VPS13D: variants seen among roughly 807,000 people sequenced by gnomAD.
VPS13D encodes the protein vacuolar protein sorting 13 homolog D, also known as intermembrane lipid transfer protein VPS13D.
In VPS13D, 187 loss-of-function variants were observed where a neutral mutation model predicts 461.9. The ratio of observed to expected loss-of-function variants is 0.40; its 90% CI spans 0.36 to 0.46. The LOEUF is 0.46. Ranked by LOEUF, VPS13D falls within the 20% of genes least tolerant of loss-of-function variation. The probability of loss-of-function intolerance (pLI) is 0.60; values close to 1 mark genes in which losing one functional copy is unlikely to be tolerated. For synonymous variants in VPS13D, 1,951 were observed against 1,986.3 expected (o/e 0.98, Z 0.47); for missense variants, 4,711 against 5,364.9 (o/e 0.88, Z 3.81).
At chr1:12,417,673 C>T (rs1644812298) in intron 65 of VPS13D, among the ~76,000 whole-genome samples, 1 of 152,136 alleles carries the variant, frequency 6.6e-6, no homozygotes, top group Admixed American at 6.5e-5. Flanking sequence ...ATCTTTGTGG[C>T]ACCGCGTAGA....
At chr1:12,461,586 G>A (rs1053784143) in intron 67 of VPS13D, among the ~76,000 whole-genome samples, 3 of 152,158 alleles carry the variant, frequency 2.0e-5, no homozygotes, top group Admixed American at 6.5e-5. Flanking sequence ...AGGAGGCTTC[G>A]AAAGTATTTC....
intron 60 of VPS13D, among the ~76,000 whole-genome samples, chr1:12,388,312 C>T (rs865998337): frequency 2.7e-4 from 41 of 152,172 alleles, no homozygotes; most frequent in Non-Finnish European, 5.3e-4. Context: ...AGGTGGCTCA[C>T]GCCTGTAATC....
intron 24 of VPS13D, among the ~76,000 whole-genome samples, chr1:12,295,233 A>AC (rs1642242208): frequency 6.6e-6 from 1 of 151,746 alleles, no homozygotes; most frequent in East Asian, 1.9e-4. Context: ...AAAAAAAAAA[A>AC]AAAAAAACAA....
chr1:12,506,755 G>A (rs1646113881), intron 68 of VPS13D, 98 bp from the exon 69 acceptor site: 5 of 1,473,462 alleles, frequency 3.4e-6, no homozygotes, highest in Non-Finnish European at 4.6e-6. Context: ...GCCGGGATTC[G>A]CACTCAGGCC....
At chr1:12,359,276 C>T (rs1047323372) in intron 50 of VPS13D, among the ~76,000 whole-genome samples, 7 of 152,128 alleles carry the variant, frequency 4.6e-5, no homozygotes, top group Non-Finnish European at 7.4e-5. Context: ...ATTGTAGCAG[C>T]GCATCCTTTC....
At chr1:12,242,424 T>A (rs1640408255) in intron 2 of VPS13D, 89 bp from the exon 3 acceptor site, 2 of 1,213,582 alleles carry the variant, frequency 1.6e-6, no homozygotes, top group Non-Finnish European at 2.4e-6. Context: ...TATGTAAAAC[T>A]TTCCCTTTAA....
intron 67 of VPS13D, among the ~76,000 whole-genome samples, chr1:12,496,032 G>A (rs930145126): frequency 4.6e-5 from 7 of 152,118 alleles, no homozygotes; most frequent in Non-Finnish European, 8.8e-5. Flanking sequence ...CGATATTTGG[G>A]CTCTGAGTAG....
intron 60 of VPS13D, among the ~76,000 whole-genome samples, chr1:12,399,956 C>T (rs1467511111): frequency 6.6e-6 from 1 of 151,988 alleles, no homozygotes; most frequent in Admixed American, 6.5e-5. Flanking sequence ...AAAACAAAAC[C>T]TATTCTCTTA....
rs1231689366 is a variant in VPS13D at position 12,505,871 on chromosome 1, ACAGG to A, written c.12795-976_12795-973del. Among the ~76,000 whole-genome samples the A allele has an allele frequency of 1.3e-5, 2 of 152,192 alleles. No homozygotes were observed. The highest frequency in any genetic ancestry group is 2.9e-5 in the Non-Finnish European group (2 of 68,036). On this transcript the variant is annotated intron_variant, in intron 68 of 69. Coordinates refer to ENST00000620676, the MANE Select transcript of VPS13D (RefSeq NM_015378.4). The surrounding 1 kb of genome is among the most constrained non-coding windows in gnomAD (Gnocchi z 4.2). ...AGGGCCCGGCAGCCTGCTCCCCTCG[ACAGG>A]CAGGCCACCTCCTGCCCCCAGGCTT...
intron 67 of VPS13D, among the ~76,000 whole-genome samples, chr1:12,488,160 T>A (rs1032937821): frequency 6.6e-6 from 1 of 152,244 alleles, no homozygotes; most frequent in Non-Finnish European, 1.5e-5. Context: ...TCCGTCCAGA[T>A]ACAATTTTAA....
Position 12,507,310 on chromosome 1 carries a change from T to G in VPS13D, c.13035+217T>G. Reference sequence around the variant, plus strand: ...TGGCCCATGGGTGACCCTGGGAACATTAACTGCCTCACAACGTTTGTGCCT... The same window carrying G: ...TGGCCCATGGGTGACCCTGGGAACAGTAACTGCCTCACAACGTTTGTGCCT... On this transcript the variant is annotated intron_variant, in intron 69 of 69. Coordinates refer to ENST00000620676, the MANE Select transcript of VPS13D (RefSeq NM_015378.4). The surrounding 1 kb of genome is among the most constrained non-coding windows in gnomAD (Gnocchi z 5.3). 1.2e-6 allele frequency: 1 copy of G among 815,232 alleles called. No individual in the cohort carries two copies. The highest frequency in any genetic ancestry group is 2.5e-5 in the East Asian group (1 of 40,304). 50.5% of individuals were successfully genotyped at this position (815,232 alleles called of 1,614,324 possible). A position where few individuals can be genotyped will look rare whatever the true frequency, so the allele number is the denominator to read the frequency against.
At position 12,381,972 on chromosome 1, in the gene VPS13D, TTCTTTCTTTC is replaced by T. The variant is rs1187687181; in HGVS notation, c.11191-1000_11191-991del. Among the ~76,000 whole-genome samples, 436 of 140,146 alleles carry T rather than the reference TTCTTTCTTTC, an allele frequency of 3.1e-3. 3 individuals carry two copies. Among genetic ancestry groups the T allele is most frequent in the East Asian group, 0.021 (97 of 4,704 alleles). The allele number at this position is 140,146 out of a possible 152,430, so 91.9% of individuals were successfully genotyped here. A position where few individuals can be genotyped will look rare whatever the true frequency, so the allele number is the denominator to read the frequency against. On this transcript the variant is annotated intron_variant, in intron 57 of 69. Coordinates refer to ENST00000620676, the MANE Select transcript of VPS13D (RefSeq NM_015378.4). ...TTTCTTTCTTTCTTTCTTTCTTTCT[TTCTTTCTTTC>T]TCTCTCTCTCTCTCCTTCCTTCCTT...
At chr1:12,417,973 C>G (rs1281666927) in intron 65 of VPS13D, among the ~76,000 whole-genome samples, 1 of 152,054 alleles carries the variant, frequency 6.6e-6, no homozygotes, top group Non-Finnish European at 1.5e-5. Context: ...ATGGTGTGAT[C>G]TCTGCTCACT....
chr1:12,319,513 C>T lies in VPS13D; in HGVS notation c.7431C>T (p.Val2477=). The T allele has an allele frequency of 6.2e-7, 1 of 1,614,122 alleles. No homozygotes were observed. The highest frequency in any genetic ancestry group is 8.5e-7 in the Non-Finnish European group (1 of 1,179,996). ...KVNVTGTEFV[V]IEDVSCFDTN... ...CCTTTCCAGGTACGGAGTTTGTGGT[C>T]ATTGAAGATGTGTCCTGCTTCGACA... The change falls in exon 32 of 70, where the codon GTC becomes GTT. Residue 2477 remains valine (V), a synonymous_variant. Transcript: ENST00000620676.
chr1:12,378,365 T>G (rs1644229688), intron 55 of VPS13D, 63 bp from the exon 56 acceptor site: 4 of 1,454,782 alleles, frequency 2.7e-6, no homozygotes, highest in Non-Finnish European at 3.7e-6. Flanking sequence ...GCTCTTGAAG[T>G]GAGGAGCTAG....
chr1:12,311,125 A>G (rs1011852852), intron 27 of VPS13D, among the ~76,000 whole-genome samples: 2 of 152,014 alleles, frequency 1.3e-5, no homozygotes, highest in African/African-American at 4.8e-5. Context: ...TATGTTGTCC[A>G]GGCTGGTCTC....
At chr1:12,478,573 C>T (rs1188736671) in intron 67 of VPS13D, 1 of 345,332 alleles carries the variant, frequency 2.9e-6, no homozygotes, top group Non-Finnish European at 5.7e-6. Context: ...GTAATAGAAC[C>T]AGCTGCCATT....
intron 33 of VPS13D, 31 bp downstream of exon 33, chr1:12,321,995 A>T (rs371031603): frequency 6.2e-7 from 1 of 1,610,930 alleles, no homozygotes; most frequent in Non-Finnish European, 8.5e-7. Context: ...CAATACGTTG[A>T]TATGCTCTCA....
chr1:12,270,920 A>G (rs759800598), intron 16 of VPS13D, 74 bp from the exon 17 acceptor site: 122 of 1,547,990 alleles, frequency 7.9e-5, no homozygotes, highest in Non-Finnish European at 1.0e-4. Context: ...ATTCTTGGTG[A>G]GAATTGATGT....
Sources: gnomAD v4.1 joint callset for allele counts (sites outside exome capture counted in the v4.1 genomes callset) on GRCh38, gnomAD v4.1.1 for gene constraint, Gnocchi (gnomAD v3.1) non-coding constraint, MANE v1.5 for transcripts, NCBI Gene and HGNC (gene_info 2026-07-23, HGNC 2026-07-21) for gene names.